Variants in ASIC2 observed in about 807,000 individuals in gnomAD.
The protein encoded by ASIC2 is acid-sensing ion channel 2.
Under a neutral mutation model 57.3 loss-of-function variants are expected in ASIC2, and 25 were observed. The observed-to-expected ratio is 0.44, with a 90% confidence interval of 0.32 to 0.61. The LOEUF is 0.61. ASIC2 is among the 20% of genes least tolerant of loss of function. The pLI, the probability that ASIC2 is intolerant of heterozygous loss-of-function variation, is 0.06. For synonymous variants in ASIC2, 319 were observed against 307.5 expected (o/e 1.04, Z -0.39); for missense variants, 641 against 738.1 (o/e 0.87, Z 1.52).
intron 1 of ASIC2, among the ~76,000 whole-genome samples, chr17:33,504,638 C>T (rs932468584): frequency 3.3e-5 from 5 of 152,224 alleles, no homozygotes; most frequent in African/African-American, 1.2e-4. Context: ...CTGTACCTGG[C>T]CTGACCTGTA....
chr17:33,803,290 C>G (rs928923075), intron 1 of ASIC2, among the ~76,000 whole-genome samples: 1 of 151,174 alleles, frequency 6.6e-6, no homozygotes, highest in Non-Finnish European at 1.5e-5. Context: ...CTATAAATTT[C>G]TAACTTTAAA....
At chr17:34,099,131 AG>A (rs1910671381) in intron 1 of ASIC2, among the ~76,000 whole-genome samples, 5 of 24,150 alleles carry the variant, frequency 2.1e-4, no homozygotes, top group African/African-American at 5.7e-4. Flanking sequence ...AGAGAGAGAG[AG>A]AGAGAGAGAG....
chr17:33,512,577 A>G (rs1462201653), intron 1 of ASIC2, among the ~76,000 whole-genome samples: 1 of 152,208 alleles, frequency 6.6e-6, no homozygotes, highest in Non-Finnish European at 1.5e-5. Flanking sequence ...CTCAGAAGGG[A>G]GTGAATCCAC....
chr17:33,515,987 C>T (rs553983425), intron 1 of ASIC2, among the ~76,000 whole-genome samples: 1 of 151,976 alleles, frequency 6.6e-6, no homozygotes. Flanking sequence ...GTCCCAGCTA[C>T]TTGGGGCGGG....
At chr17:33,394,383 A>G (rs1156725374) in intron 1 of ASIC2, among the ~76,000 whole-genome samples, 1 of 152,210 alleles carries the variant, frequency 6.6e-6, no homozygotes, top group Non-Finnish European at 1.5e-5. Flanking sequence ...GCTTTCAACA[A>G]ATGCTGATAC....
intron 1 of ASIC2, among the ~76,000 whole-genome samples, chr17:33,690,787 T>G (rs1908340988): frequency 7.3e-6 from 1 of 137,464 alleles, no homozygotes; most frequent in African/African-American, 2.9e-5. Context: ...TCTTGCTCTG[T>G]CACCCAGACT....
At chr17:33,438,960 C>G (rs561660988) in intron 1 of ASIC2, among the ~76,000 whole-genome samples, 81 of 151,748 alleles carry the variant, frequency 5.3e-4, no homozygotes, top group African/African-American at 1.9e-3. Context: ...CCTCCCACAT[C>G]AGCCTCCCAA....
chr17:33,477,746 G>GT (rs1474732557), intron 1 of ASIC2, among the ~76,000 whole-genome samples: 1 of 152,198 alleles, frequency 6.6e-6, no homozygotes, highest in African/African-American at 2.4e-5. Flanking sequence ...TCAGGCCATG[G>GT]TGTCCCACAC....
At chr17:34,133,611 G>A (rs1396319626) in intron 1 of ASIC2, among the ~76,000 whole-genome samples, 1 of 152,240 alleles carries the variant, frequency 6.6e-6, no homozygotes, top group Non-Finnish European at 1.5e-5. Flanking sequence ...CCTTCGTAGG[G>A]CCTGGCACCA....
At chr17:34,116,167 A>T (rs1567827751) in intron 1 of ASIC2, among the ~76,000 whole-genome samples, 1 of 152,170 alleles carries the variant, frequency 6.6e-6, no homozygotes, top group Non-Finnish European at 1.5e-5. Context: ...CTCCCTCTCA[A>T]TTCAATGGGC....
chr17:33,969,494 G>T (rs1394419239), intron 1 of ASIC2, among the ~76,000 whole-genome samples: 7 of 152,222 alleles, frequency 4.6e-5, no homozygotes, highest in Non-Finnish European at 7.3e-5. Context: ...CTGCAAGGTG[G>T]TCCCAAGTGA....
chr17:33,463,176 C>T (rs889322108), intron 1 of ASIC2, among the ~76,000 whole-genome samples: 4 of 152,138 alleles, frequency 2.6e-5, no homozygotes, highest in African/African-American at 9.7e-5. Context: ...ATTTTTAGAG[C>T]CTGCCATTGG....
rs1380152156 is a variant in ASIC2, at chr17:33,436,362, T to C, written c.556-324295A>G. Among the ~76,000 whole-genome samples the C allele has an allele frequency of 2.0e-5, 3 of 152,356 alleles. No homozygotes were observed. In the East Asian group the frequency reaches 5.8e-4, roughly 29 times the overall value. ...AGTTATGTGGCCAGAGGTCACAAGA[T>C]TTGTGGCTTCCTCAATTGTTTCTAT... On this transcript the variant is annotated intron_variant, in intron 1 of 9. Transcript: ENST00000359872.
chr17:33,061,476 G>A (rs547408206), intron 3 of ASIC2, among the ~76,000 whole-genome samples: 40 of 152,256 alleles, frequency 2.6e-4, no homozygotes, highest in South Asian at 2.3e-3. Context: ...ATTGATTTGC[G>A]TATGTTGAAC....
chr17:33,734,363 C>T (rs1037458420), intron 1 of ASIC2, among the ~76,000 whole-genome samples: 3 of 152,170 alleles, frequency 2.0e-5, no homozygotes, highest in African/African-American at 7.2e-5. Context: ...ACCTTCCTCC[C>T]GTGCTCTGTC....
rs545134683 is a variant in ASIC2, at chr17:34,083,707, T to C, written c.555+72271A>G. ...TGTTGTTTCCTGACTTTTTAATGAT[T>C]GCCATTCTAACTGGTGTAAGATGAT... On this transcript the variant is annotated intron_variant, in intron 1 of 9. Transcript: ENST00000359872. 2.6e-5 allele frequency among the ~76,000 whole-genome samples: 4 copies of C among 152,296 alleles called. No individual in the cohort carries two copies. The East Asian group carries it at 5.8e-4, about 22-fold the overall frequency.
chr17:33,894,768 T>C (rs994076950), intron 1 of ASIC2, among the ~76,000 whole-genome samples: 2 of 152,168 alleles, frequency 1.3e-5, no homozygotes, highest in South Asian at 2.1e-4. Flanking sequence ...CTTAAGTTAC[T>C]GCATGAAAGA....
chr17:33,897,848 A>G (rs1915132650), intron 1 of ASIC2, among the ~76,000 whole-genome samples: 1 of 152,206 alleles, frequency 6.6e-6, no homozygotes, highest in East Asian at 1.9e-4. Flanking sequence ...AACTGTGAAA[A>G]CAAGTCTAAG....
At chr17:33,295,701 G>A (rs907810505), upstream of ASIC2, among the ~76,000 whole-genome samples, 3 of 152,172 alleles carry the variant, frequency 2.0e-5, no homozygotes, top group African/African-American at 4.8e-5. Context: ...GACCTAGCAC[G>A]TTGATGAAAC....
Sources: allele counts gnomAD v4.1 joint callset (sites outside exome capture counted in the v4.1 genomes callset), GRCh38; gene constraint gnomAD v4.1.1; transcripts MANE v1.5; gene names NCBI Gene and HGNC (gene_info 2026-07-23, HGNC 2026-07-21).